Variants in STXBP5L observed in about 807,000 individuals in gnomAD.
STXBP5L encodes syntaxin-binding protein 5-like.
A neutral mutation model predicts 144.5 loss-of-function variants in STXBP5L; 65 were observed. That is an observed-to-expected ratio of 0.45 (90% CI 0.37 to 0.55). STXBP5L has a LOEUF of 0.55. Among genes scored for constraint, STXBP5L ranks in the 20% least tolerant of loss-of-function variants. The pLI is 0.00. For missense variants in STXBP5L, 1,298 were observed against 1,405.5 expected, an observed-to-expected ratio of 0.92 and a Z score of 1.22; for synonymous variants, 505 against 469.6, an observed-to-expected ratio of 1.08 and a Z score of -0.97.
intron 3 of STXBP5L, among the ~76,000 whole-genome samples, chr3:120,977,915 C>T (rs1434168102): frequency 1.3e-5 from 2 of 152,254 alleles, no homozygotes; most frequent in African/African-American, 4.8e-5. Flanking sequence ...AAGAGATCTG[C>T]TGTTAGTCTG....
In STXBP5L at chr3:121,396,808, G is replaced by A. The variant is rs532427173; in HGVS notation, c.2588-10435G>A. 3.3e-5 allele frequency among the ~76,000 whole-genome samples: 5 copies of A among 152,350 alleles called. No individual in the cohort carries two copies. The South Asian group carries it at 6.2e-4, about 19-fold the overall frequency. Reference sequence around the variant, plus strand: ...CCCTTCAGTCAAAGGTCCTGGAAGAGGTATATGAGCCCTAATGTGAGTGAT... The same window carrying A: ...CCCTTCAGTCAAAGGTCCTGGAAGAAGTATATGAGCCCTAATGTGAGTGAT... On this transcript the variant is annotated intron_variant, in intron 22 of 26. Transcript: ENST00000471454.
intron 9 of STXBP5L, among the ~76,000 whole-genome samples, chr3:121,163,433 G>A (rs1378082672): frequency 3.3e-5 from 5 of 149,890 alleles, no homozygotes; most frequent in Admixed American, 2.7e-4. Flanking sequence ...TGGATGGGGG[G>A]CAAGGAGAGG....
At chr3:121,010,917 TAAA>T (rs1394282464) in intron 3 of STXBP5L, among the ~76,000 whole-genome samples, 1 of 151,444 alleles carries the variant, frequency 6.6e-6, no homozygotes, top group African/African-American at 2.4e-5. Flanking sequence ...CAGAGGCAAA[TAAA>T]AAATTCATGT....
chr3:121,273,941 A>C (rs1264567171), intron 18 of STXBP5L, among the ~76,000 whole-genome samples: 3 of 151,594 alleles, frequency 2.0e-5, no homozygotes, highest in African/African-American at 7.3e-5. Context: ...ATTATTTTCC[A>C]TTGTTTCTTG....
At chr3:121,012,619 A>G (rs891500745) in intron 3 of STXBP5L, among the ~76,000 whole-genome samples, 1 of 151,706 alleles carries the variant, frequency 6.6e-6, no homozygotes, top group African/African-American at 2.4e-5. Context: ...GTCAGTTTGT[A>G]TATTTCCTTT....
At chr3:120,971,801 T>C (rs548391345) in intron 3 of STXBP5L, among the ~76,000 whole-genome samples, 65 of 149,228 alleles carry the variant, frequency 4.4e-4, no homozygotes, top group African/African-American at 1.2e-3. Flanking sequence ...TATACACACA[T>C]ATATATATAT....
intron 3 of STXBP5L, among the ~76,000 whole-genome samples, chr3:120,977,888 C>T (rs1452862014): frequency 6.6e-6 from 1 of 152,226 alleles, no homozygotes; most frequent in Admixed American, 6.5e-5. Context: ...TCTCTTCTGG[C>T]TTGCAGATTT....
At chr3:121,187,965 C>T (rs1313265911) in intron 9 of STXBP5L, among the ~76,000 whole-genome samples, 1 of 152,016 alleles carries the variant, frequency 6.6e-6, no homozygotes, top group African/African-American at 2.4e-5. Context: ...GTAAATGGAT[C>T]ACTGAAAGAA....
intron 18 of STXBP5L, among the ~76,000 whole-genome samples, chr3:121,265,370 A>G (rs1050669595): frequency 1.6e-4 from 25 of 152,218 alleles, no homozygotes; most frequent in Non-Finnish European, 2.9e-5. Context: ...TTCCTAAATG[A>G]CTACTGGGTA....
At chr3:121,002,619 T>C (rs1176256482) in intron 3 of STXBP5L, among the ~76,000 whole-genome samples, 1 of 152,158 alleles carries the variant, frequency 6.6e-6, no homozygotes, top group Non-Finnish European at 1.5e-5. Context: ...CCAAGATCAG[T>C]ATCAAAGTAT....
At chr3:120,949,506 A>G (rs1229141919) in intron 2 of STXBP5L, among the ~76,000 whole-genome samples, 1 of 152,096 alleles carries the variant, frequency 6.6e-6, no homozygotes. Context: ...AATGTCTAGA[A>G]GAGTTTTTCC....
chr3:121,059,980 T>C (rs1011180029), intron 5 of STXBP5L, among the ~76,000 whole-genome samples: 1 of 152,206 alleles, frequency 6.6e-6, no homozygotes, highest in Non-Finnish European at 1.5e-5. Context: ...GCTTGCCTGA[T>C]TGCCCTGGCT....
At chr3:121,389,332 C>T (rs1025774190) in intron 22 of STXBP5L, among the ~76,000 whole-genome samples, 1 of 152,104 alleles carries the variant, frequency 6.6e-6, no homozygotes, top group African/African-American at 2.4e-5. Flanking sequence ...TTTCAAAAAA[C>T]CAGCTTCTGG....
chr3:121,051,798 A>C (rs1027662593), intron 5 of STXBP5L, among the ~76,000 whole-genome samples: 1 of 152,238 alleles, frequency 6.6e-6, no homozygotes, highest in Admixed American at 6.5e-5. Flanking sequence ...TGAAGCCAGG[A>C]GCTGGTTTTT....
chr3:120,971,850 A>G (rs1367476782), intron 3 of STXBP5L, among the ~76,000 whole-genome samples: 2 of 151,648 alleles, frequency 1.3e-5, no homozygotes, highest in African/African-American at 4.8e-5. Flanking sequence ...TACTATTATA[A>G]TATCCATGCG....
chr3:121,378,985 T>A, intron 21 of STXBP5L, 99 bp downstream of exon 21: 1 of 1,262,392 alleles, frequency 7.9e-7, no homozygotes, highest in Non-Finnish European at 1.1e-6. Flanking sequence ...ATGAAAGATG[T>A]TAAAAAACTA....
At chr3:121,185,266 T>C (rs1235758256) in intron 9 of STXBP5L, among the ~76,000 whole-genome samples, 22 of 152,240 alleles carry the variant, frequency 1.4e-4, no homozygotes, top group Non-Finnish European at 4.4e-5. Flanking sequence ...ACTCTGATGG[T>C]AGTTTCTTTT....
chr3:121,115,668 C>T (rs2044202333), intron 6 of STXBP5L, among the ~76,000 whole-genome samples: 1 of 152,052 alleles, frequency 6.6e-6, no homozygotes, highest in Admixed American at 6.6e-5. Context: ...ATCCCTGAGA[C>T]AAGGTAATTT....
chr3:121,051,390 C>G (rs1198371618), intron 5 of STXBP5L, among the ~76,000 whole-genome samples: 1 of 152,162 alleles, frequency 6.6e-6, no homozygotes, highest in African/African-American at 2.4e-5. Context: ...AACTGTCTCT[C>G]AGACAACAGT....
Sources: allele counts gnomAD v4.1 joint callset (sites outside exome capture counted in the v4.1 genomes callset), GRCh38; gene constraint gnomAD v4.1.1; transcripts MANE v1.5; gene names NCBI Gene and HGNC (gene_info 2026-07-23, HGNC 2026-07-21).